The following GABBR2 variants were observed in gnomAD, a reference collection of about 807,000 sequenced individuals.
GABBR2 encodes gamma-aminobutyric acid type B receptor subunit 2.
Under a neutral mutation model 105.6 loss-of-function variants are expected in GABBR2, and 23 were observed. The observed-to-expected ratio is 0.22, with a 90% CI of 0.16 to 0.31. The LOEUF is 0.31. Among genes scored for constraint, GABBR2 ranks in the 10% least tolerant of loss-of-function variants. GABBR2 has a pLI of 1.00. For synonymous variants in GABBR2, 478 were observed against 499.7 expected (o/e 0.96, Z 0.58); for missense variants, 734 against 1,245.5 (o/e 0.59, Z 6.18).
At chr9:98,606,505 GA>G (rs779593699) in intron 1 of GABBR2, among the ~76,000 whole-genome samples, 1,803 of 86,812 alleles carry the variant, frequency 0.021, 28 homozygotes, top group South Asian at 0.042. Context: ...TTTTGAGATG[GA>G]GTCTCACTCT....
intron 1 of GABBR2, among the ~76,000 whole-genome samples, chr9:98,642,781 A>G (rs1316886364): frequency 6.6e-6 from 1 of 152,212 alleles, no homozygotes; most frequent in East Asian, 1.9e-4. Flanking sequence ...ACTGTAACAC[A>G]TTATGAAATG....
intron 4 of GABBR2, among the ~76,000 whole-genome samples, chr9:98,492,349 T>TAAAAAAAAAAAA (rs574771107): frequency 0.021 from 627 of 29,188 alleles, 144 homozygotes; most frequent in East Asian, 0.045. Context: ...TGTTTCCTAG[T>TAAAAAAAAAAAA]AAAAAAAAAA....
intron 7 of GABBR2, among the ~76,000 whole-genome samples, chr9:98,434,825 A>T (rs1825872470): frequency 6.6e-6 from 1 of 152,248 alleles, no homozygotes; most frequent in African/African-American, 2.4e-5. Context: ...CTGTGCCACC[A>T]GGCCAAACAA....
chr9:98,556,648 C>G (rs972730080), intron 2 of GABBR2, among the ~76,000 whole-genome samples: 1 of 151,896 alleles, frequency 6.6e-6, no homozygotes, highest in African/African-American at 2.4e-5. Flanking sequence ...CCCAGCTCCT[C>G]TGGTCAGCTG....
intron 6 of GABBR2, among the ~76,000 whole-genome samples, chr9:98,458,628 C>A (rs1453643450): frequency 6.6e-6 from 1 of 152,256 alleles, no homozygotes; most frequent in Admixed American, 6.5e-5. Flanking sequence ...TCATTTGAAC[C>A]CAGGAGGCAG....
At chr9:98,373,391 A>AG (rs1193410184) in intron 11 of GABBR2, among the ~76,000 whole-genome samples, 1 of 152,234 alleles carries the variant, frequency 6.6e-6, no homozygotes, top group East Asian at 1.9e-4. Flanking sequence ...ACTGAGGCCC[A>AG]GCGCATTCAA....
Position 98,706,668 on chromosome 9 carries a change from G to A in GABBR2, c.321+1749C>T, listed in dbSNP as rs1830899246. The stretch of plus-strand genomic sequence containing the variant: ...ATCTCTTTCAGGGAAGCTTTCTAAA[G>A]GGAAGAAACTGATGATGAAAACATT... On this transcript the variant is annotated intron_variant, in intron 1 of 18. Transcript: ENST00000259455. Among the ~76,000 whole-genome samples, 4 of 152,216 alleles carry A rather than the reference G, an allele frequency of 2.6e-5. No homozygotes were observed. In the South Asian group the frequency reaches 8.3e-4, roughly 32 times the overall value.
chr9:98,456,395 G>A (rs1340186868), intron 6 of GABBR2, among the ~76,000 whole-genome samples: 1 of 152,138 alleles, frequency 6.6e-6, no homozygotes, highest in Non-Finnish European at 1.5e-5. Context: ...AAAGCCCCCA[G>A]CCTGAGGCCA....
chr9:98,371,452 G>T lies in GABBR2; in HGVS notation c.1770+12C>A, dbSNP rs533090129. On this transcript the variant is annotated intron_variant, in intron 12 of 18. Coordinates refer to ENST00000259455, the MANE Select transcript of GABBR2 (RefSeq NM_005458.8). ...CACTACTAATACCCTGAAACAGAAG[G>T]AGAGTGATTACCTTCTTCTTCATTT... The T allele has an allele frequency of 1.1e-4, 144 of 1,325,096 alleles. 3 individuals are homozygous for T. In the South Asian group the frequency reaches 1.3e-3, roughly 12 times the overall value. 82.1% of individuals were successfully genotyped at this position (1,325,096 alleles called of 1,614,324 possible). A position where few individuals can be genotyped will look rare whatever the true frequency, so the allele number is the denominator to read the frequency against.
chr9:98,606,745 G>A (rs546710950), intron 1 of GABBR2: 1 of 260,458 alleles, frequency 3.8e-6, no homozygotes, highest in East Asian at 1.0e-4. Context: ...CCCCCAAAGT[G>A]CTGGGATTAC....
intron 1 of GABBR2, among the ~76,000 whole-genome samples, chr9:98,587,312 G>C (rs1829091689): frequency 6.6e-6 from 1 of 152,184 alleles, no homozygotes; most frequent in African/African-American, 2.4e-5. Flanking sequence ...CGCATTCTGA[G>C]TATTGACTTC....
intron 13 of GABBR2, among the ~76,000 whole-genome samples, chr9:98,313,575 A>G (rs986556403): frequency 6.6e-6 from 1 of 152,188 alleles, no homozygotes; most frequent in Non-Finnish European, 1.5e-5. Flanking sequence ...ACATCCATAC[A>G]ACTGTCAAGC....
At chr9:98,543,031 ATG>A (rs1311417826) in intron 2 of GABBR2, among the ~76,000 whole-genome samples, 1 of 152,074 alleles carries the variant, frequency 6.6e-6, no homozygotes, top group East Asian at 1.9e-4. Context: ...TTTACATTTT[ATG>A]TGTGTGTATT....
intron 6 of GABBR2, among the ~76,000 whole-genome samples, chr9:98,460,724 G>A (rs867035171): frequency 4.0e-4 from 61 of 152,256 alleles, no homozygotes; most frequent in African/African-American, 1.5e-3. Context: ...AGACTAGACA[G>A]AAGCAATATT....
intron 7 of GABBR2, among the ~76,000 whole-genome samples, chr9:98,413,482 T>C (rs1304575321): frequency 6.6e-5 from 10 of 152,216 alleles, no homozygotes; most frequent in Admixed American, 6.5e-4. Context: ...CCTTGAGCTA[T>C]AGAAGAGGCC....
At chr9:98,628,144 G>A (rs578068822) in intron 1 of GABBR2, among the ~76,000 whole-genome samples, 2 of 152,102 alleles carry the variant, frequency 1.3e-5, no homozygotes, top group East Asian at 1.9e-4. Flanking sequence ...AATAACTTAC[G>A]TGTGTTTAAA....
chr9:98,389,953 G>C (rs1357165423), intron 9 of GABBR2, among the ~76,000 whole-genome samples: 1 of 152,118 alleles, frequency 6.6e-6, no homozygotes, highest in African/African-American at 2.4e-5. Context: ...GCCCCACCAG[G>C]GTCCCAGTTA....
intron 13 of GABBR2, among the ~76,000 whole-genome samples, chr9:98,348,218 C>T (rs1422403733): frequency 1.3e-5 from 2 of 152,188 alleles, no homozygotes; most frequent in African/African-American, 2.4e-5. Context: ...ATGTTCTTGA[C>T]ACCTTTGTCA....
At chr9:98,523,221 A>C (rs1452179440) in intron 3 of GABBR2, among the ~76,000 whole-genome samples, 1 of 152,232 alleles carries the variant, frequency 6.6e-6, no homozygotes, top group Non-Finnish European at 1.5e-5. Context: ...CCTACATATA[A>C]AGGGAAGGTA....
Sources: gnomAD v4.1 joint callset for allele counts (sites outside exome capture counted in the v4.1 genomes callset) on GRCh38, gnomAD v4.1.1 for gene constraint, MANE v1.5 for transcripts, NCBI Gene and HGNC (gene_info 2026-07-23, HGNC 2026-07-21) for gene names.